BAHCC1: variants seen among roughly 807,000 people sequenced by gnomAD.
BAHCC1 encodes BAH and coiled-coil domain-containing protein 1.
Under a neutral mutation model 88.2 loss-of-function variants are expected in BAHCC1, and 43 were observed. The observed-to-expected ratio is 0.49, with a 90% CI of 0.38 to 0.63. The LOEUF (loss-of-function observed/expected upper bound fraction) is 0.63, where lower values mean the gene tolerates loss of function less well. BAHCC1 is among the 20% of genes least tolerant of loss of function. The probability of loss-of-function intolerance (pLI) is 0.00; values close to 1 mark genes in which losing one functional copy is unlikely to be tolerated. For synonymous variants in BAHCC1, 1,510 were observed against 745.5 expected, an observed-to-expected ratio of 2.03 and a Z score of -16.71; for missense variants, 3,023 against 1,654.8, an observed-to-expected ratio of 1.83 and a Z score of -14.34.
intron 11 of BAHCC1, among the ~76,000 whole-genome samples, chr17:81,451,392 C>A (rs895839813): frequency 6.6e-6 from 1 of 152,186 alleles, no homozygotes; most frequent in Non-Finnish European, 1.5e-5. Context: ...TACTTCGATG[C>A]TTTGGGGCCT....
At chr17:81,402,460 A>C (rs1049674720) in intron 2 of BAHCC1, 1 of 152,236 alleles carries the variant, frequency 6.6e-6, no homozygotes. Flanking sequence ...ATTACGTTAA[A>C]CAATTTTTTT....
Position 81,462,815 on chromosome 17 carries a change from G to A in BAHCC1, c.7459G>A (p.Gly2487Arg), listed in dbSNP as rs781968204. 4 of 780,354 alleles carry A rather than the reference G, an allele frequency of 5.1e-6. No homozygotes were observed. The highest frequency in any genetic ancestry group is 9.6e-6 in the Non-Finnish European group (4 of 418,044). 48.3% of individuals were successfully genotyped at this position (780,354 alleles called of 1,614,324 possible). The change falls in exon 27 of 28, where the codon GGG (glycine) becomes AGG (arginine). Residue 2487 changes from glycine (G) to arginine (R), a missense_variant. By Grantham distance (125) the Gly-to-Arg change is moderately radical (BLOSUM62 -2). Coordinates refer to ENST00000675386, the MANE Select transcript of BAHCC1 (RefSeq NM_001377448.1). ...IVRGEETLRV[G>R]DCAVFLSAGR... ...GCGGGGCGAGGAGACCCTGCGTGTCGGGGACTGTGCCGTCTTCCTGTCAGC... is the reference window on the plus strand; with the variant it reads ...GCGGGGCGAGGAGACCCTGCGTGTCAGGGACTGTGCCGTCTTCCTGTCAGC...
rs2030426160 is a variant in BAHCC1, at chr17:81,462,872, A to G, written c.7516A>G (p.Ile2506Val). The change falls in exon 27 of 28, where the codon ATC becomes GTC. Residue 2506 changes from isoleucine (I) to valine (V), a missense_variant. Ile to Val is a conservative substitution (Grantham distance 29, BLOSUM62 3). Coordinates refer to ENST00000675386, the MANE Select transcript of BAHCC1 (RefSeq NM_001377448.1). Reference sequence around the variant, plus strand: ...GCCCAACCTCCCCTACATCGGCCGCATCGAGAGCATGTGGGAGTCGTGGGG... The same window carrying G: ...GCCCAACCTCCCCTACATCGGCCGCGTCGAGAGCATGTGGGAGTCGTGGGG... ...GRPNLPYIGR[I>V]ESMWESWGSN... 2 of 784,478 alleles carry G rather than the reference A, an allele frequency of 2.5e-6. No individual in the cohort carries two copies. Among genetic ancestry groups the G allele is most frequent in the Non-Finnish European group, 4.7e-6 (2 of 421,670 alleles). The allele number at this position is 784,478 out of a possible 1,614,324, so 48.6% of individuals were successfully genotyped here. A position where few individuals can be genotyped will look rare whatever the true frequency, so the allele number is the denominator to read the frequency against.
Position 81,461,910 on chromosome 17 carries a change from G to C in BAHCC1, c.7247G>C (p.Arg2416Pro). Residue 2416 changes from arginine to proline, a missense_variant, in exon 26 of 28, where the codon CGC becomes CCC. By Grantham distance (103) the Arg-to-Pro change is moderately radical (BLOSUM62 -2). Coordinates refer to ENST00000675386, the MANE Select transcript of BAHCC1 (RefSeq NM_001377448.1). ...AGCAGCAGCAAATCCAAGCTCAAGC[G>C]CAAAGAGGCCCTGAGCTTCTCCAAA... ...PSSSSKSKLK[R>P]KEALSFSKAK... The C allele has an allele frequency of 1.3e-6, 1 of 745,304 alleles. No individual in the cohort carries two copies. Among genetic ancestry groups the C allele is most frequent in the Admixed American group, 1.9e-5 (1 of 53,712 alleles). The allele number at this position is 745,304 out of a possible 1,614,324, so 46.2% of individuals were successfully genotyped here.
chr17:81,405,803 C>G (rs1362731984), intron 2 of BAHCC1, among the ~76,000 whole-genome samples: 1 of 152,234 alleles, frequency 6.6e-6, no homozygotes. Context: ...GACCTGTCCT[C>G]TGTCCTCTGC....
At position 81,461,245 on chromosome 17, in the gene BAHCC1, C is replaced by T. The variant is rs782121353; in HGVS notation, c.6582C>T (p.Ala2194=). Residue 2194 remains alanine (A), a synonymous_variant, in exon 26 of 28, where the codon GCC becomes GCT. Coordinates refer to ENST00000675386, the MANE Select transcript of BAHCC1 (RefSeq NM_001377448.1). ...CTAAGAAGGCCGAGAGGGTGGAGGC[C>T]GAGAAGGGTGGGCGGCGGCGGGCGG... ...LRAKKAERVE[A]EKGGRRRAGG... The T allele has an allele frequency of 8.1e-5, 57 of 707,774 alleles. No homozygotes were observed. Among genetic ancestry groups the T allele is most frequent in the Non-Finnish European group, 1.2e-4 (47 of 384,594 alleles). 43.8% of individuals were successfully genotyped at this position (707,774 alleles called of 1,614,324 possible).
intron 2 of BAHCC1, among the ~76,000 whole-genome samples, chr17:81,419,788 CGTTTTTT>C (rs1447576823): frequency 2.0e-5 from 2 of 102,310 alleles, no homozygotes; most frequent in South Asian, 3.2e-4. Flanking sequence ...CTCAACGAGG[CGTTTTTT>C]TTTTTTTTTT....
At chr17:81,444,354 G>T in intron 6 of BAHCC1, 27 bp from the exon 7 acceptor site, 1 of 718,708 alleles carries the variant, frequency 1.4e-6, no homozygotes, top group Non-Finnish European at 2.6e-6. Context: ...TGGCGCCGGC[G>T]GCAGGGCTGA....
At chr17:81,410,024 C>T (rs552603551) in intron 2 of BAHCC1, 29 of 290,824 alleles carry the variant, frequency 1.0e-4, no homozygotes, top group Non-Finnish European at 2.0e-4. Flanking sequence ...GTGGCCCCTG[C>T]TCTTCCCTCC....
At chr17:81,397,726 C>T (rs2063760979) in intron 1 of BAHCC1, among the ~76,000 whole-genome samples, 1 of 152,198 alleles carries the variant, frequency 6.6e-6, no homozygotes, top group Non-Finnish European at 1.5e-5. Context: ...GCTTTGCAGG[C>T]CGGGATCGGG....
At position 81,434,969 on chromosome 17, in the gene BAHCC1, A is replaced by G. The variant is rs1173794086; in HGVS notation, c.359-3401A>G. The stretch of plus-strand genomic sequence containing the variant: ...TCCTCCTCCCTCCCCAGGGGTGAGA[A>G]GCCACCAGGCCTCCCTTCTCCAGGT... On this transcript the variant is annotated intron_variant, in intron 3 of 27. Coordinates refer to ENST00000675386, the MANE Select transcript of BAHCC1 (RefSeq NM_001377448.1). The surrounding 1 kb of genome is among the most constrained non-coding windows in gnomAD (Gnocchi z 4.9). Among the ~76,000 whole-genome samples, 1 of 151,884 alleles carries G rather than the reference A, an allele frequency of 6.6e-6. No individual in the cohort carries two copies. Among genetic ancestry groups the G allele is most frequent in the Non-Finnish European group, 1.5e-5 (1 of 67,912 alleles).
At chr17:81,430,873 G>A (rs1447831272) in intron 3 of BAHCC1, among the ~76,000 whole-genome samples, 1 of 152,134 alleles carries the variant, frequency 6.6e-6, no homozygotes, top group African/African-American at 2.4e-5. Flanking sequence ...CTATGTGGGG[G>A]GTGTGGCCCT....
At chr17:81,420,728 G>A (rs1175001310) in intron 2 of BAHCC1, among the ~76,000 whole-genome samples, 1 of 152,268 alleles carries the variant, frequency 6.6e-6, no homozygotes, top group Non-Finnish European at 1.5e-5. Context: ...TGGGCAGTGG[G>A]GGCAGCCAAC....
At chr17:81,416,459 G>GA (rs2064028214) in intron 2 of BAHCC1, among the ~76,000 whole-genome samples, 2 of 19,150 alleles carry the variant, frequency 1.0e-4, no homozygotes, top group Non-Finnish European at 1.7e-4. Flanking sequence ...TGTCCATTGA[G>GA]GGTGTGTGTG....
chr17:81,458,737 C>T lies in BAHCC1; in HGVS notation c.5448+12C>T, dbSNP rs1383334070. Reference sequence around the variant, plus strand: ...AGGCCGGCAAGCAGGTAGCAGCCCCCCACTCTGGGAGCCCACTGTGCACCC... The same window carrying T: ...AGGCCGGCAAGCAGGTAGCAGCCCCTCACTCTGGGAGCCCACTGTGCACCC... On this transcript the variant is annotated intron_variant, in intron 19 of 27. Coordinates refer to ENST00000675386, the MANE Select transcript of BAHCC1 (RefSeq NM_001377448.1). The T allele has an allele frequency of 8.1e-6, 6 of 738,752 alleles. No homozygotes were observed. In the African/African-American group the frequency reaches 1.0e-4, roughly 13 times the overall value. The allele number at this position is 738,752 out of a possible 1,614,324, so 45.8% of individuals were successfully genotyped here.
intron 2 of BAHCC1, among the ~76,000 whole-genome samples, chr17:81,418,811 G>GCGCGCA (rs781840050): frequency 6.1e-4 from 2 of 3,256 alleles, no homozygotes; most frequent in African/African-American, 1.2e-3. Flanking sequence ...GTGTGTGTAC[G>GCGCGCA]TGTGTGTGTG....
intron 2 of BAHCC1, among the ~76,000 whole-genome samples, chr17:81,405,277 G>C (rs1268394230): frequency 1.3e-5 from 2 of 152,152 alleles, no homozygotes; most frequent in African/African-American, 4.8e-5. Flanking sequence ...TGTTTCCCAT[G>C]CTGGTCTTGA....
rs530414712 is a variant in BAHCC1, at chr17:81,414,553, C to A, written c.179-12247C>A. 4.6e-5 allele frequency among the ~76,000 whole-genome samples: 7 copies of A among 152,350 alleles called. No homozygotes were observed. In the South Asian group the frequency reaches 1.4e-3, roughly 32 times the overall value. ...AGGTCCCTGCCTGAGCCACCCACCT[C>A]GCCCGCTCCCCTGCAGAGTTCCTAG... On this transcript the variant is annotated intron_variant, in intron 2 of 27. Transcript: ENST00000675386.
chr17:81,459,253 C>T lies in BAHCC1; in HGVS notation c.5721C>T (p.Ile1907=), dbSNP rs782555395. The T allele has an allele frequency of 5.1e-6, 4 of 778,994 alleles. No homozygotes were observed. The African/African-American group carries it at 6.8e-5, about 13-fold the overall frequency. The allele number at this position is 778,994 out of a possible 1,614,324, so 48.3% of individuals were successfully genotyped here. ...ACCTCACATTCCCCAATGCCCCCAG[C>T]TATAGCATCGTCATCGAGGGCGAGA... ...GSVRTLQPPD[I]YSIVIEGERG... The change falls in exon 22 of 28, where the codon ATC becomes ATT. Residue 1907 remains isoleucine, a splice_region_variant and synonymous_variant. Coordinates refer to ENST00000675386, the MANE Select transcript of BAHCC1 (RefSeq NM_001377448.1).
Sources: gnomAD v4.1 joint callset for allele counts (sites outside exome capture counted in the v4.1 genomes callset) on GRCh38, gnomAD v4.1.1 for gene constraint, Gnocchi (gnomAD v3.1) non-coding constraint, MANE v1.5 for transcripts, NCBI Gene and HGNC (gene_info 2026-07-23, HGNC 2026-07-21) for gene names.